DOP1A: variants seen among roughly 807,000 people sequenced by gnomAD.
The protein encoded by DOP1A is protein DOP1A.
In DOP1A, 90 loss-of-function variants were observed where a neutral mutation model predicts 267.6. That is an observed-to-expected ratio of 0.34 (90% CI 0.28 to 0.40). The LOEUF (loss-of-function observed/expected upper bound fraction) is 0.40, where lower values mean the gene tolerates loss of function less well. Ranked by LOEUF, DOP1A falls within the 10% of genes least tolerant of loss-of-function variation. The pLI is 1.00. For missense variants in DOP1A, 2,437 were observed against 2,900.4 expected (o/e 0.84, Z 3.67); for synonymous variants, 932 against 999.1 (o/e 0.93, Z 1.27).
chr6:83,125,238 C>A, intron 14 of DOP1A, 43 bp downstream of exon 14: 1 of 1,527,276 alleles, frequency 6.5e-7, no homozygotes, highest in Non-Finnish European at 8.8e-7. Flanking sequence ...ATTCTATTTA[C>A]TTTTGTTATA....
downstream of DOP1A, chr6:83,168,938 C>T: frequency 8.9e-7 from 1 of 1,119,530 alleles, no homozygotes; most frequent in Non-Finnish European, 1.1e-6. Context: ...TTCCAGTAGC[C>T]TGCATGAATT....
chr6:83,133,997 T>C (rs1473740009), intron 18 of DOP1A, among the ~76,000 whole-genome samples, 190 bp from the exon 19 acceptor site: 1 of 152,132 alleles, frequency 6.6e-6, no homozygotes, highest in Non-Finnish European at 1.5e-5. Context: ...TCAATATTTC[T>C]GTATATATTT....
At chr6:83,124,454 A>C (rs1776817032) in intron 12 of DOP1A, among the ~76,000 whole-genome samples, 1 of 152,164 alleles carries the variant, frequency 6.6e-6, no homozygotes, top group South Asian at 2.1e-4. Flanking sequence ...AGTCCCAGAA[A>C]GTGAGATCCA....
In DOP1A at chr6:83,110,201, C is replaced by G. The variant is rs751746066; in HGVS notation, c.568C>G (p.Leu190Val). Residue 190 changes from leucine to valine, a missense_variant, in exon 6 of 39, where the codon CTC becomes GTC. Physicochemically the swap from Leu to Val is conservative, Grantham distance 32. Coordinates refer to ENST00000349129, the MANE Select transcript of DOP1A (RefSeq NM_015018.4). ...CTACAGTGCCCTGTGGGGTAGTCTT[C>G]TCACCAGTCCTGCTGTGCGTTTACC... ...AFYSALWGSLLTSPAVRLPGI... is the reference protein window; with the variant it reads ...AFYSALWGSLVTSPAVRLPGI... The G allele has an allele frequency of 1.9e-6, 3 of 1,613,898 alleles. No homozygotes were observed. In the African/African-American group the frequency reaches 4.0e-5, roughly 22 times the overall value.
Position 83,156,031 on chromosome 6 carries a change from C to T in DOP1A, c.6532C>T (p.Leu2178Phe). Residue 2178 changes from leucine (L) to phenylalanine (F), a missense_variant, in exon 34 of 39, where the codon CTT becomes TTT. Leu to Phe is a conservative substitution (Grantham distance 22, BLOSUM62 0). Around this residue, in one of 9 missense-constraint regions of DOP1A, gnomAD observed 75 missense variants for 149.6 expected, o/e 0.50. Transcript: ENST00000349129. ...DVELEQRAML[L>F]KRLAFAIFSS... ...GGAGCTAGAACAGAGAGCTATGCTT[C>T]TTAAAAGATTAGCATTTGCTATTTT... 4 of 1,613,768 alleles carry T rather than the reference C, an allele frequency of 2.5e-6. No homozygotes were observed. The highest frequency in any genetic ancestry group is 3.4e-6 in the Non-Finnish European group (4 of 1,179,692).
intron 1 of DOP1A, among the ~76,000 whole-genome samples, chr6:83,089,653 C>G (rs1171603873): frequency 1.3e-5 from 2 of 152,056 alleles, no homozygotes; most frequent in East Asian, 1.9e-4. Flanking sequence ...TTTAAACAAG[C>G]TAGAATTTTT....
intron 15 of DOP1A, among the ~76,000 whole-genome samples, chr6:83,126,079 TAAGTG>T (rs1429438473): frequency 1.3e-5 from 2 of 151,458 alleles, no homozygotes; most frequent in Admixed American, 6.6e-5. Context: ...GTCATATAAA[TAAGTG>T]AGGTAGCTTA....
chr6:83,137,866 A>T lies in DOP1A; in HGVS notation c.3824A>T (p.Lys1275Ile), dbSNP rs781519032. ...AGTATTCAATTCAGCTTCAAAGAAAAATTATCAGAAAAAGTTTCGGAGAAG... is the reference window on the plus strand; with the variant it reads ...AGTATTCAATTCAGCTTCAAAGAAATATTATCAGAAAAAGTTTCGGAGAAG... ...HSSIQFSFKE[K>I]LSEKVSEKET... The change falls in exon 21 of 39, where the codon AAA becomes ATA. Residue 1275 changes from lysine to isoleucine, a missense_variant. Coordinates refer to ENST00000349129, the MANE Select transcript of DOP1A (RefSeq NM_015018.4). The T allele has an allele frequency of 6.2e-7, 1 of 1,613,502 alleles. No individual in the cohort carries two copies. Among genetic ancestry groups the T allele is most frequent in the South Asian group, 1.1e-5 (1 of 91,024 alleles).
At chr6:83,072,445 G>C (rs1785780892) in intron 1 of DOP1A, among the ~76,000 whole-genome samples, 1 of 152,124 alleles carries the variant, frequency 6.6e-6, no homozygotes, top group Non-Finnish European at 1.5e-5. Context: ...GGTGGAGTGA[G>C]ATTCCTGTTA....
chr6:83,098,761 C>A (rs1391335868), intron 3 of DOP1A, among the ~76,000 whole-genome samples: 1 of 152,024 alleles, frequency 6.6e-6, no homozygotes, highest in Non-Finnish European at 1.5e-5. Flanking sequence ...TCCTTTTGGG[C>A]CTTTTGAGAC....
chr6:83,171,318 T>TTTAA (rs1287668064), downstream of DOP1A: 2 of 152,184 alleles, frequency 1.3e-5, no homozygotes, highest in Non-Finnish European at 2.9e-5. Context: ...TATATCTATT[T>TTTAA]TTAATTTTCC....
chr6:83,137,612 T>G lies in DOP1A; in HGVS notation c.3570T>G (p.Asp1190Glu), dbSNP rs1779052916. The change falls in exon 21 of 39, where the codon GAT becomes GAG. Residue 1190 changes from aspartate (D) to glutamate (E), a missense_variant. By Grantham distance (45) the Asp-to-Glu change is conservative (BLOSUM62 2). Transcript: ENST00000349129. ...MPPKCSDIDPDEETIKIEDDS... is the reference protein window; with the variant it reads ...MPPKCSDIDPEEETIKIEDDS... ...CAAAGTGCAGTGATATAGATCCAGA[T>G]GAAGAGACGATTAAAATTGAAGATG... 2 of 1,613,716 alleles carry G rather than the reference T, an allele frequency of 1.2e-6. No individual in the cohort carries two copies. Among genetic ancestry groups the G allele is most frequent in the Non-Finnish European group, 1.7e-6 (2 of 1,179,854 alleles).
downstream of DOP1A, chr6:83,169,316 G>C: frequency 6.2e-7 from 1 of 1,613,216 alleles, no homozygotes; most frequent in African/African-American, 1.3e-5. Context: ...AAGGTGATCT[G>C]CACTTTCCTG....
chr6:83,142,367 G>A (rs907088579), intron 24 of DOP1A, among the ~76,000 whole-genome samples: 5 of 151,992 alleles, frequency 3.3e-5, no homozygotes, highest in Admixed American at 1.3e-4. Flanking sequence ...AATTAGCCAG[G>A]CATGGTGGCA....
chr6:83,116,584 C>T (rs1775468628), intron 7 of DOP1A, among the ~76,000 whole-genome samples: 1 of 152,012 alleles, frequency 6.6e-6, no homozygotes, highest in African/African-American at 2.4e-5. Flanking sequence ...CCTAGGCAAG[C>T]AGATCACTTG....
intron 35 of DOP1A, 49 bp from the exon 36 acceptor site, chr6:83,158,513 TGAAAG>T: frequency 7.6e-7 from 1 of 1,319,230 alleles, no homozygotes; most frequent in Non-Finnish European, 1.1e-6. Flanking sequence ...AAAGATAACT[TGAAAG>T]GATTAAATAT....
intron 4 of DOP1A, among the ~76,000 whole-genome samples, chr6:83,106,751 A>C (rs945614891): frequency 1.3e-5 from 2 of 151,562 alleles, no homozygotes; most frequent in African/African-American, 2.4e-5. Context: ...TGGAGGTTGC[A>C]GTGAGCTGGT....
Position 83,128,927 on chromosome 6 carries a change from A to C in DOP1A, c.1760A>C (p.Glu587Ala). ...CATGAAAATCCTACTGAAGTGTTTGAAGATGGAGAAAATCCACCAAGTAGT... is the reference window on the plus strand; with the variant it reads ...CATGAAAATCCTACTGAAGTGTTTGCAGATGGAGAAAATCCACCAAGTAGT... Reference protein sequence around the residue: ...VSHENPTEVFEDGENPPSSRS... With the variant: ...VSHENPTEVFADGENPPSSRS... The change falls in exon 16 of 39, where the codon GAA becomes GCA. Residue 587 changes from glutamate (E) to alanine (A), a missense_variant. Transcript: ENST00000349129. 6.4e-7 allele frequency: 1 copy of C among 1,552,756 alleles called. No individual in the cohort carries two copies. Among genetic ancestry groups the C allele is most frequent in the Non-Finnish European group, 8.7e-7 (1 of 1,150,112 alleles).
chr6:83,150,057 T>C (rs1305114226), intron 27 of DOP1A, among the ~76,000 whole-genome samples: 2 of 152,210 alleles, frequency 1.3e-5, no homozygotes, highest in Non-Finnish European at 2.9e-5. Context: ...TAAGTGTTGA[T>C]TCTTCTTTGA....
Sources: allele counts gnomAD v4.1 joint callset (sites outside exome capture counted in the v4.1 genomes callset), GRCh38; gene constraint gnomAD v4.1.1; regional missense constraint gnomAD v4.1.1; transcripts MANE v1.5; gene names NCBI Gene and HGNC (gene_info 2026-07-23, HGNC 2026-07-21).